The following AHCY variants were observed in gnomAD, a reference collection of about 807,000 sequenced individuals.
The protein encoded by AHCY is adenosylhomocysteinase, also known as S-adenosyl-L-homocysteine hydrolase.
AHCY carries 24 observed loss-of-function variants against 45.4 expected under a neutral mutation model. That is an observed-to-expected ratio of 0.53 (90% CI 0.38 to 0.74). AHCY has a LOEUF of 0.74. AHCY is among the 30% of genes least tolerant of loss of function. The probability of loss-of-function intolerance (pLI) is 0.00; values close to 1 mark genes in which losing one functional copy is unlikely to be tolerated. For missense variants in AHCY, 449 were observed against 594.1 expected, an observed-to-expected ratio of 0.76 and a Z score of 2.54; for synonymous variants, 245 against 235.1, an observed-to-expected ratio of 1.04 and a Z score of -0.39.
At chr20:34,274,875 G>A in the AHCY span, among the ~76,000 whole-genome samples, 1 of 152,126 alleles carries the variant, frequency 6.6e-6, no homozygotes, top group Non-Finnish European at 1.5e-5. Context: ...GATCGCTTGA[G>A]CTCGGGAGTT....
At chr20:34,302,871 A>C in intron 1 of AHCY, 1 of 985,414 alleles carries the variant, frequency 1.0e-6, no homozygotes, top group African/African-American at 1.7e-5. Context: ...GCCCAGCTGG[A>C]CAGGGTCCGG....
rs1399186693 is a variant in AHCY, at chr20:34,280,973, G to C, written c.*61C>G. The C allele has an allele frequency of 6.2e-6, 10 of 1,609,694 alleles. No individual in the cohort carries two copies. Among genetic ancestry groups the C allele is most frequent in the Non-Finnish European group, 8.5e-6 (10 of 1,178,296 alleles). ...ACAAAGTTGGTGCCATTAGCTCTTA[G>C]GGAGGAGAGGTGGGGCCTGGGCAAG... is the stretch of plus-strand genomic sequence containing the variant. On this transcript the variant is annotated 3_prime_UTR_variant, in exon 10 of 10. Transcript: ENST00000217426.
At chr20:34,248,582 C>T in the AHCY span, among the ~76,000 whole-genome samples, 6 of 152,118 alleles carry the variant, frequency 3.9e-5, no homozygotes, top group African/African-American at 1.4e-4. Context: ...GAGGCAGTGT[C>T]TCTTGAGCCC....
chr20:34,285,619 A>G lies in AHCY; in HGVS notation c.988T>C (p.Leu330=). 1.9e-6 allele frequency: 3 copies of G among 1,613,516 alleles called. No individual in the cohort carries two copies. The highest frequency in any genetic ancestry group is 2.5e-6 in the Non-Finnish European group (3 of 1,179,960). The change falls in exon 9 of 10, where the codon TTG becomes CTG. Residue 330 remains leucine, a synonymous_variant. Transcript: ENST00000217426. ...AGGATGATGCGGCGCCCATTCTTCA[A>G]CCGATACCGGTCCACCTACACGCAG... is the stretch of plus-strand genomic sequence containing the variant. The part of the protein sequence containing the change: ...NIKPQVDRYR[L]KNGRRIILLA...
Position 34,290,613 on chromosome 20 carries a change from C to G in AHCY, c.792G>C (p.Glu264Asp). 3 of 1,614,176 alleles carry G rather than the reference C, an allele frequency of 1.9e-6. No individual in the cohort carries two copies. The highest frequency in any genetic ancestry group is 2.5e-6 in the Non-Finnish European group (3 of 1,180,038). Residue 264 changes from glutamate (E) to aspartate (D), a missense_variant, in exon 7 of 10, where the codon GAG becomes GAC. By Grantham distance (45) the Glu-to-Asp change is conservative. Transcript: ENST00000217426. The surrounding 1 kb of genome is among the most constrained non-coding windows in gnomAD (Gnocchi z 4.5). The part of the protein sequence containing the change: ...MEGYEVTTMD[E>D]ACQEGNIFVT... ...CAAAGATGTTGCCCTCCTGACAGGC[C>G]TCATCCATGGTGGTCACCTCATAGC...
the AHCY span, among the ~76,000 whole-genome samples, chr20:34,251,602 G>C: frequency 6.6e-6 from 1 of 152,172 alleles, no homozygotes; most frequent in Non-Finnish European, 1.5e-5. Context: ...AAGCTGCCCA[G>C]TGGCACAATG....
the AHCY span, among the ~76,000 whole-genome samples, chr20:34,237,944 T>C: frequency 2.6e-5 from 4 of 152,218 alleles, no homozygotes; most frequent in South Asian, 6.2e-4. Context: ...AGTTTTTTTC[T>C]TTCAGAACTT....
At chr20:34,234,647 C>G in the AHCY span, among the ~76,000 whole-genome samples, 2 of 151,924 alleles carry the variant, frequency 1.3e-5, no homozygotes, top group Non-Finnish European at 2.9e-5. Flanking sequence ...ACTAAAAATA[C>G]AAAAATTCGC....
chr20:34,233,440 C>T, the AHCY span, among the ~76,000 whole-genome samples: 1 of 152,128 alleles, frequency 6.6e-6, no homozygotes, highest in Non-Finnish European at 1.5e-5. Flanking sequence ...AGCCACCGCG[C>T]CCGGCCCACA....
chr20:34,245,847 T>A, the AHCY span: 385 of 782,608 alleles, frequency 4.9e-4, no homozygotes, highest in Non-Finnish European at 6.1e-4. Flanking sequence ...GTAGAATATA[T>A]ATATATTCTA....
downstream of AHCY, among the ~76,000 whole-genome samples, chr20:34,279,109 C>CA (rs11467322): frequency 2.7e-3 from 149 of 55,570 alleles, no homozygotes; most frequent in East Asian, 5.4e-3. Context: ...GACTCCGTCT[C>CA]AAAAAAAAAA....
At chr20:34,253,349 G>A in the AHCY span, among the ~76,000 whole-genome samples, 6 of 151,578 alleles carry the variant, frequency 4.0e-5, no homozygotes, top group South Asian at 2.1e-4. Context: ...CTCATGATCC[G>A]CCTGCCTCAG....
chr20:34,260,571 G>C, the AHCY span: 2 of 1,558,016 alleles, frequency 1.3e-6, no homozygotes, highest in Non-Finnish European at 1.7e-6. Flanking sequence ...GCCCAGGAGA[G>C]GGGCTGCAGG....
the AHCY span, among the ~76,000 whole-genome samples, chr20:34,245,179 CA>C: frequency 6.6e-6 from 1 of 151,282 alleles, no homozygotes; most frequent in Non-Finnish European, 1.5e-5. Flanking sequence ...ACTAAAAATA[CA>C]AAAATTAGCT....
chr20:34,268,333 G>A, the AHCY span, among the ~76,000 whole-genome samples: 8 of 152,120 alleles, frequency 5.3e-5, no homozygotes, highest in African/African-American at 1.4e-4. Context: ...GGTGCACAGC[G>A]GGGCAGCGAA....
downstream of AHCY, among the ~76,000 whole-genome samples, chr20:34,276,549 A>T (rs2122700655): frequency 6.6e-6 from 1 of 152,238 alleles, no homozygotes; most frequent in East Asian, 1.9e-4. Flanking sequence ...GTGTGAATTT[A>T]GGTTCCAATA....
the AHCY span, among the ~76,000 whole-genome samples, chr20:34,235,435 A>G: frequency 6.6e-6 from 1 of 150,766 alleles, no homozygotes; most frequent in Admixed American, 6.6e-5. Context: ...GTGAGACTCC[A>G]TCTCAAAAAC....
In AHCY at chr20:34,285,601, T is replaced by C; in HGVS notation, c.1006A>G (p.Ile336Val). 6.2e-7 allele frequency: 1 copy of C among 1,613,924 alleles called. No homozygotes were observed. The highest frequency in any genetic ancestry group is 1.1e-5 in the South Asian group (1 of 91,080). The part of the protein sequence containing the change: ...DRYRLKNGRR[I>V]ILLAEGRLVN... ...AGCCGACCCTCGGCCAGCAGGATGA[T>C]GCGGCGCCCATTCTTCAACCGATAC... The change falls in exon 9 of 10, where the codon ATC becomes GTC. Residue 336 changes from isoleucine to valine, a missense_variant. Physicochemically the swap from Ile to Val is conservative, Grantham distance 29. Coordinates refer to ENST00000217426, the MANE Select transcript of AHCY (RefSeq NM_000687.4).
chr20:34,249,121 C>A, the AHCY span, among the ~76,000 whole-genome samples: 256 of 151,702 alleles, frequency 1.7e-3, no homozygotes, highest in Non-Finnish European at 2.6e-3. Context: ...AGAGTGAGAC[C>A]CTGTCTCGAA....
Sources: gnomAD v4.1 joint callset for allele counts (sites outside exome capture counted in the v4.1 genomes callset) on GRCh38, gnomAD v4.1.1 for gene constraint, Gnocchi (gnomAD v3.1) non-coding constraint, MANE v1.5 for transcripts, NCBI Gene and HGNC (gene_info 2026-07-23, HGNC 2026-07-21) for gene names.